The following GPM6A variants were observed in gnomAD, a reference collection of about 807,000 sequenced individuals.
The protein encoded by GPM6A is neuronal membrane glycoprotein M6-a.
A neutral mutation model predicts 32.1 loss-of-function variants in GPM6A; 7 were observed. The observed-to-expected ratio is 0.22, with a 90% CI of 0.12 to 0.41. The LOEUF (loss-of-function observed/expected upper bound fraction) is 0.41. Among genes scored for constraint, GPM6A ranks in the 10% least tolerant of loss-of-function variants. The pLI, the probability that GPM6A is intolerant of heterozygous loss-of-function variation, is 1.00. For missense variants in GPM6A, 235 were observed against 347.2 expected (o/e 0.68, Z 2.57); for synonymous variants, 130 against 123.4 (o/e 1.05, Z -0.35).
intron 1 of GPM6A, chr4:175,872,783 G>A (rs1736952391): frequency 6.6e-6 from 1 of 152,148 alleles, no homozygotes; most frequent in South Asian, 2.1e-4. Flanking sequence ...AAATTAACAT[G>A]TAGACAGATG....
intron 1 of GPM6A, among the ~76,000 whole-genome samples, chr4:175,744,850 T>C (rs13126015): frequency 0.22 from 33,100 of 152,056 alleles, 3,868 homozygotes; most frequent in East Asian, 0.26. Flanking sequence ...CTGATATTAC[T>C]TTTTAATTTG....
At chr4:175,652,151 G>A (rs1373895410) in intron 3 of GPM6A, among the ~76,000 whole-genome samples, 164 bp from the exon 4 acceptor site, 4 of 152,134 alleles carry the variant, frequency 2.6e-5, no homozygotes, top group South Asian at 2.1e-4. Context: ...GAAATAGTGC[G>A]CATAATGGGT....
At chr4:175,988,256 C>G (rs920072419) in intron 1 of GPM6A, among the ~76,000 whole-genome samples, 3 of 151,996 alleles carry the variant, frequency 2.0e-5, no homozygotes, top group African/African-American at 7.2e-5. Context: ...GCAATGGCAC[C>G]CAACAACTTG....
rs181138672 is a variant in GPM6A at position 175,965,245 on chromosome 4, G to A, written c.-23+37064C>T. Among the ~76,000 whole-genome samples the A allele has an allele frequency of 1.0e-3, 153 of 152,046 alleles. 2 individuals are homozygous for A. In the South Asian group the frequency reaches 0.03, roughly 30 times the overall value. ...CTCAGACCACAATGGATAGAAACTA[G>A]AAATCAAGGACAGAAAGCTATAAAT... is the stretch of plus-strand genomic sequence containing the variant. On this transcript the variant is annotated intron_variant, in intron 1 of 7. Coordinates refer to the GPM6A transcript ENST00000280187.
intron 1 of GPM6A, among the ~76,000 whole-genome samples, chr4:175,930,823 T>G (rs552762672): frequency 6.6e-6 from 1 of 152,142 alleles, no homozygotes; most frequent in African/African-American, 2.4e-5. Flanking sequence ...TTTGGCACAA[T>G]ATATTATTAA....
chr4:175,760,140 T>C, intron 1 of GPM6A, among the ~76,000 whole-genome samples: 1 of 152,042 alleles, frequency 6.6e-6, no homozygotes, highest in East Asian at 1.9e-4. Flanking sequence ...CACTCCGCTA[T>C]ACTCCAGCCT....
chr4:175,884,481 T>C (rs1436152352), intron 1 of GPM6A, among the ~76,000 whole-genome samples: 1 of 152,136 alleles, frequency 6.6e-6, no homozygotes, highest in South Asian at 2.1e-4. Context: ...TTCCAATAAA[T>C]CCAACATTTG....
At chr4:175,714,649 G>C (rs1275326738) in intron 1 of GPM6A, among the ~76,000 whole-genome samples, 1 of 152,144 alleles carries the variant, frequency 6.6e-6, no homozygotes, top group Non-Finnish European at 1.5e-5. Context: ...ATTGACAGTA[G>C]ATACTGCCAG....
rs80052504 is a variant in GPM6A at position 175,909,699 on chromosome 4, T to C, written c.-23+92610A>G. Among the ~76,000 whole-genome samples the C allele has an allele frequency of 4.4e-3, 673 of 152,194 alleles. 5 individuals carry two copies. The highest frequency in any genetic ancestry group is 0.015 in the African/African-American group (641 of 41,542). ...GAGAATTCAATTTAAGCTACAGTAA[T>C]CTGGAAAAGATTCAAGAAAAAGGTA... On this transcript the variant is annotated intron_variant, in intron 1 of 7. Coordinates refer to the GPM6A transcript ENST00000280187.
intron 1 of GPM6A, among the ~76,000 whole-genome samples, chr4:175,909,461 A>G (rs1738245580): frequency 6.6e-6 from 1 of 152,174 alleles, no homozygotes; most frequent in Admixed American, 6.6e-5. Flanking sequence ...ACTGTTATTA[A>G]TATATTTGTT....
At chr4:175,954,354 G>A (rs188432466) in intron 1 of GPM6A, among the ~76,000 whole-genome samples, 171 of 152,262 alleles carry the variant, frequency 1.1e-3, no homozygotes, top group Non-Finnish European at 1.4e-3. Flanking sequence ...TGTGGCCCCC[G>A]TGGCTAGGTT....
chr4:175,758,360 C>T (rs115126761), intron 1 of GPM6A, among the ~76,000 whole-genome samples: 2,409 of 152,032 alleles, frequency 0.016, 79 homozygotes, highest in African/African-American at 0.055. Context: ...AGCATTTTTA[C>T]GAAAATGGAT....
chr4:175,952,503 C>T (rs566691398), intron 1 of GPM6A, among the ~76,000 whole-genome samples: 12 of 152,138 alleles, frequency 7.9e-5, no homozygotes, highest in Non-Finnish European at 1.3e-4. Context: ...TACAGTACCT[C>T]CACCTTCTTA....
At chr4:175,641,629 C>A (rs966864288) in intron 4 of GPM6A, 1 of 152,074 alleles carries the variant, frequency 6.6e-6, no homozygotes, top group African/African-American at 2.4e-5. Flanking sequence ...CATTCTAATA[C>A]CTAAGATTTT....
intron 1 of GPM6A, chr4:175,962,322 G>A (rs1740193071): frequency 5.2e-6 from 5 of 967,972 alleles, no homozygotes; most frequent in Non-Finnish European, 5.0e-6. Context: ...GGGTCCTGTG[G>A]CCACTCCTGA....
At chr4:175,797,008 A>G (rs115608958) in intron 1 of GPM6A, among the ~76,000 whole-genome samples, 1 of 152,006 alleles carries the variant, frequency 6.6e-6, no homozygotes, top group Admixed American at 6.6e-5. Flanking sequence ...TAAGTACTCA[A>G]TTCTCTCAGA....
At chr4:175,925,232 T>C (rs1219313051) in intron 1 of GPM6A, among the ~76,000 whole-genome samples, 1 of 152,196 alleles carries the variant, frequency 6.6e-6, no homozygotes, top group African/African-American at 2.4e-5. Context: ...GAAATGGGTG[T>C]TTACACATCA....
upstream of GPM6A, among the ~76,000 whole-genome samples, chr4:175,813,539 G>A (rs1037501280): frequency 2.5e-4 from 38 of 151,690 alleles, no homozygotes; most frequent in African/African-American, 8.5e-4. Context: ...AACACACACA[G>A]AGGGACAGAA....
intron 2 of GPM6A, among the ~76,000 whole-genome samples, chr4:175,679,830 C>A (rs1466672295): frequency 6.6e-6 from 1 of 152,116 alleles, no homozygotes; most frequent in Non-Finnish European, 1.5e-5. Context: ...CAAGCTGGTT[C>A]TTGTATCTTT....
Sources: gnomAD v4.1 joint callset for allele counts (sites outside exome capture counted in the v4.1 genomes callset) on GRCh38, gnomAD v4.1.1 for gene constraint, MANE v1.5 for transcripts, NCBI Gene and HGNC (gene_info 2026-07-23, HGNC 2026-07-21) for gene names.